Variants in PGS1 observed in about 807,000 individuals in gnomAD.
The protein encoded by PGS1 is phosphatidylglycerophosphate synthase 1, also known as CDP-diacylglycerol--glycerol-3-phosphate 3-phosphatidyltransferase, mitochondrial.
In PGS1, 44 loss-of-function variants were observed where a neutral mutation model predicts 58.3. The observed-to-expected ratio is 0.75, with a 90% CI of 0.59 to 0.97. The LOEUF is 0.97. PGS1 is among the 50% of genes least tolerant of loss of function. The pLI is 0.00. For missense variants in PGS1, 684 were observed against 731.1 expected, an observed-to-expected ratio of 0.94 and a Z score of 0.74; for synonymous variants, 330 against 311.0, an observed-to-expected ratio of 1.06 and a Z score of -0.64.
chr17:78,391,487 CT>C (rs528480749), intron 1 of PGS1, among the ~76,000 whole-genome samples: 2 of 151,640 alleles, frequency 1.3e-5, no homozygotes, highest in African/African-American at 2.4e-5. Flanking sequence ...GCCCAGGTAA[CT>C]TTTTTTTGAG....
At chr17:78,419,459 CCTGAGGGGCTGGG>C (rs1174410873) in intron 8 of PGS1, 74 bp from the exon 9 acceptor site, 8 of 1,194,758 alleles carry the variant, frequency 6.7e-6, no homozygotes, top group African/African-American at 6.0e-5. Context: ...TCTGGGCTGG[CCTGAGGGGCTGGG>C]CTGGGGCCAG....
intron 7 of PGS1, among the ~76,000 whole-genome samples, chr17:78,408,878 C>T (rs746586212): frequency 9.2e-5 from 14 of 152,228 alleles, no homozygotes; most frequent in South Asian, 2.1e-4. Flanking sequence ...GGACTCTTAA[C>T]GGGAAGTGCC....
chr17:78,396,379 G>A lies in PGS1; in HGVS notation c.405G>A (p.Gln135=). 1 of 1,610,484 alleles carries A rather than the reference G, an allele frequency of 6.2e-7. No individual in the cohort carries two copies. Among genetic ancestry groups the A allele is most frequent in the Non-Finnish European group, 8.5e-7 (1 of 1,177,744 alleles). ...SLYLGTGPLE[Q]ELVDCLESTL... ...ACCTGGGGACAGGTCCTTTGGAACAGGAGCTGGTAAGGTTTATGGGGAGAT... is the reference window on the plus strand; with the variant it reads ...ACCTGGGGACAGGTCCTTTGGAACAAGAGCTGGTAAGGTTTATGGGGAGAT... The change falls in exon 3 of 10, where the codon CAG becomes CAA. Residue 135 remains glutamine, a synonymous_variant. Coordinates refer to ENST00000262764, the MANE Select transcript of PGS1 (RefSeq NM_024419.5).
intron 1 of PGS1, among the ~76,000 whole-genome samples, chr17:78,388,561 G>A (rs1340082684): frequency 3.3e-5 from 5 of 151,692 alleles, no homozygotes; most frequent in African/African-American, 1.2e-4. Context: ...GCCTAGGCTG[G>A]TCTGGAGCTC....
intron 7 of PGS1, 123 bp from the exon 8 acceptor site, chr17:78,414,756 G>C: frequency 9.2e-7 from 1 of 1,087,294 alleles, no homozygotes; most frequent in Non-Finnish European, 1.3e-6. Flanking sequence ...CCGCTCTGCA[G>C]CAGCCCCTCG....
At chr17:78,389,049 C>T (rs183690282) in intron 1 of PGS1, among the ~76,000 whole-genome samples, 52 of 107,328 alleles carry the variant, frequency 4.8e-4, no homozygotes, top group Middle Eastern at 5.2e-3. Flanking sequence ...GTTTCCTCTT[C>T]TTCCTTTTTT....
rs1038849236 is a variant in PGS1 at position 78,413,107 on chromosome 17, C to T, written c.1403-1772C>T. Among the ~76,000 whole-genome samples the T allele has an allele frequency of 3.9e-5, 6 of 152,318 alleles. 1 individual carries two copies. The Middle Eastern group carries it at 0.014, about 345-fold the overall frequency. ...ACGGCCTGCACGGCCAGTGGCCCAGCGGAGCGGTACTGTTTATGGCACAAT... is the reference window on the plus strand; with the variant it reads ...ACGGCCTGCACGGCCAGTGGCCCAGTGGAGCGGTACTGTTTATGGCACAAT... On this transcript the variant is annotated intron_variant, in intron 7 of 9. Transcript: ENST00000262764.
intron 2 of PGS1, among the ~76,000 whole-genome samples, chr17:78,394,074 A>C (rs2083030773): frequency 6.9e-6 from 1 of 144,166 alleles, no homozygotes; most frequent in South Asian, 2.3e-4. Context: ...CAGGAGGCTG[A>C]GGCAGGAGAA....
At position 78,381,546 on chromosome 17, in the gene PGS1, G is replaced by C. The variant is rs185868462; in HGVS notation, c.143+2738G>C. Among the ~76,000 whole-genome samples, 182 of 152,284 alleles carry C rather than the reference G, an allele frequency of 1.2e-3. 1 individual carries two copies. The highest frequency in any genetic ancestry group is 4.1e-3 in the African/African-American group (170 of 41,550). ...TTACCCTTTATTAGCTGCTGACTTT[G>C]CTTTCTTCTCCATTATTCAGTTGCA... On this transcript the variant is annotated intron_variant, in intron 1 of 9. Coordinates refer to ENST00000262764, the MANE Select transcript of PGS1 (RefSeq NM_024419.5).
At chr17:78,389,917 C>T (rs989061296) in intron 1 of PGS1, among the ~76,000 whole-genome samples, 7 of 152,320 alleles carry the variant, frequency 4.6e-5, no homozygotes, top group African/African-American at 1.7e-4. Flanking sequence ...TGCTGGGCTG[C>T]GGCTCTCAGC....
At chr17:78,418,470 G>A (rs1279187168) in intron 8 of PGS1, among the ~76,000 whole-genome samples, 1 of 152,070 alleles carries the variant, frequency 6.6e-6, no homozygotes, top group Non-Finnish European at 1.5e-5. Flanking sequence ...CGATTTCTGG[G>A]CACTTTCCCA....
chr17:78,396,249 T>G, intron 2 of PGS1, 59 bp from the exon 3 acceptor site: 2 of 1,339,844 alleles, frequency 1.5e-6, no homozygotes, highest in Non-Finnish European at 2.1e-6. Context: ...AAGGGTTCTG[T>G]TTTCTTAGTG....
At position 78,399,408 on chromosome 17, in the gene PGS1, G is replaced by A. The variant is rs749666200; in HGVS notation, c.572G>A (p.Arg191Gln). Residue 191 changes from arginine (R) to glutamine (Q), a missense_variant, in exon 5 of 10, where the codon CGA (arginine) becomes CAA (glutamine). Physicochemically the swap from Arg to Gln is conservative, Grantham distance 43 (BLOSUM62 1). Coordinates refer to ENST00000262764, the MANE Select transcript of PGS1 (RefSeq NM_024419.5). ...CTGCGGAGGTTCCCAGAGCAGGTCC[G>A]AGTCTCCCTCTTTCACACGCCGCAC... is the stretch of plus-strand genomic sequence containing the variant. Reference protein sequence around the residue: ...PLLRRFPEQVRVSLFHTPHLR... With the variant: ...PLLRRFPEQVQVSLFHTPHLR... 9 of 1,613,968 alleles carry A rather than the reference G, an allele frequency of 5.6e-6. No homozygotes were observed. Among genetic ancestry groups the A allele is most frequent in the African/African-American group, 4.0e-5 (3 of 74,932 alleles).
intron 2 of PGS1, among the ~76,000 whole-genome samples, chr17:78,394,372 T>C (rs1045290843): frequency 2.0e-5 from 3 of 151,928 alleles, no homozygotes; most frequent in African/African-American, 7.3e-5. Flanking sequence ...ACGCTTAGCT[T>C]GACTGGCTCA....
In PGS1 at chr17:78,378,811, G is replaced by A. The variant is rs1395878885; in HGVS notation, c.143+3G>A. 2 of 1,447,446 alleles carry A rather than the reference G, an allele frequency of 1.4e-6. No individual in the cohort carries two copies. Among genetic ancestry groups the A allele is most frequent in the Admixed American group, 2.7e-5 (1 of 36,880 alleles). 89.7% of individuals were successfully genotyped at this position (1,447,446 alleles called of 1,614,324 possible). On this transcript the variant is annotated splice_donor_region_variant and intron_variant, in intron 1 of 9. Coordinates refer to ENST00000262764, the MANE Select transcript of PGS1 (RefSeq NM_024419.5). The stretch of plus-strand genomic sequence containing the variant: ...AACCGGGACCGCCAGCGCAGGAGGT[G>A]AGAGGGGCGGCCGGGATGAGAGTGC...
Position 78,419,862 on chromosome 17 carries a change from A to AGTC in PGS1, c.*10+188_*10+190dup, listed in dbSNP as rs956510776. On this transcript the variant is annotated intron_variant, in intron 9 of 9. Transcript: ENST00000262764. ...TTAGAAGCTGGATGCTAAATTAGGC[A>AGTC]GTCTGTTCACTTTCCATCTGGTACC... The AGTC allele has an allele frequency of 4.4e-6, 6 of 1,354,800 alleles. No homozygotes were observed. The African/African-American group carries it at 7.4e-5, about 17-fold the overall frequency. The allele number at this position is 1,354,800 out of a possible 1,614,324, so 83.9% of individuals were successfully genotyped here. A position where few individuals can be genotyped will look rare whatever the true frequency, so the allele number is the denominator to read the frequency against.
intron 2 of PGS1, among the ~76,000 whole-genome samples, chr17:78,393,870 T>A (rs1046834796): frequency 6.6e-6 from 1 of 150,752 alleles, no homozygotes; most frequent in African/African-American, 2.4e-5. Flanking sequence ...TCTGAGTTTG[T>A]ATTAGCAGTG....
rs1256966521 is a variant in PGS1 at position 78,410,395 on chromosome 17, T to C, written c.1403-4484T>C. On this transcript the variant is annotated intron_variant, in intron 7 of 9. Transcript: ENST00000262764. ...AGTGAGCCAAGATCGCGCCATTGCA[T>C]TCCAGCCTGGGTGACAAGACGAAAC... Among the ~76,000 whole-genome samples the C allele has an allele frequency of 8.1e-5, 12 of 147,504 alleles. No homozygotes were observed. In the East Asian group the frequency reaches 8.7e-4, roughly 11 times the overall value.
intron 3 of PGS1, among the ~76,000 whole-genome samples, chr17:78,397,446 T>C (rs1335662405): frequency 1.8e-5 from 2 of 109,328 alleles, no homozygotes; most frequent in African/African-American, 6.3e-5. Flanking sequence ...TCCCTCTTTT[T>C]TTTTTTTGAG....
Sources: gnomAD v4.1 joint callset for allele counts (sites outside exome capture counted in the v4.1 genomes callset) on GRCh38, gnomAD v4.1.1 for gene constraint, MANE v1.5 for transcripts, NCBI Gene and HGNC (gene_info 2026-07-23, HGNC 2026-07-21) for gene names.